Variants in U2AF2 observed in about 807,000 individuals in gnomAD.
The protein encoded by U2AF2 is U2 small nuclear RNA auxiliary factor 2.
U2AF2 carries 6 observed loss-of-function variants against 52.6 expected under a neutral mutation model. The ratio of observed to expected loss-of-function variants is 0.11; its 90% CI spans 0.06 to 0.23. U2AF2 has a LOEUF of 0.23. Ranked by LOEUF, U2AF2 falls within the 10% of genes least tolerant of loss-of-function variation. The pLI is 1.00. For missense variants in U2AF2, 222 were observed against 677.1 expected, an observed-to-expected ratio of 0.33 and a Z score of 7.46; for synonymous variants, 284 against 258.2, an observed-to-expected ratio of 1.10 and a Z score of -0.96.
chr19:55,673,796 T>C (rs1985090037), intron 11 of U2AF2, 138 bp from the exon 12 acceptor site: 4 of 1,233,680 alleles, frequency 3.2e-6, no homozygotes, highest in Non-Finnish European at 4.5e-6. Context: ...ACCTGCTTAC[T>C]AAGGGTCCCT....
intron 1 of U2AF2, among the ~76,000 whole-genome samples, chr19:55,657,746 C>T (rs988238454): frequency 6.6e-6 from 1 of 152,182 alleles, no homozygotes; most frequent in Non-Finnish European, 1.5e-5. Context: ...GAGTGTTCTG[C>T]CTGATCCACA....
chr19:55,655,278 C>T, intron 1 of U2AF2, 125 bp downstream of exon 1: 3 of 1,045,810 alleles, frequency 2.9e-6, no homozygotes, highest in South Asian at 3.2e-5. Context: ...AACCCTGGTT[C>T]CGTGGCGCGC....
At chr19:55,659,014 C>G in intron 1 of U2AF2, 196 bp from the exon 2 acceptor site, 2 of 830,800 alleles carry the variant, frequency 2.4e-6, no homozygotes, top group Middle Eastern at 4.0e-4. Flanking sequence ...TTCCAGGCCC[C>G]GTCCCCCTGG....
chr19:55,673,319 C>A (rs531527077), intron 11 of U2AF2, among the ~76,000 whole-genome samples: 1 of 90,602 alleles, frequency 1.1e-5, no homozygotes, highest in Non-Finnish European at 3.1e-5. Context: ...TACCTCACTC[C>A]CTCTTTTTTT....
intron 7 of U2AF2, among the ~76,000 whole-genome samples, chr19:55,666,078 T>TA (rs1298488575): frequency 6.6e-6 from 1 of 152,198 alleles, no homozygotes. Flanking sequence ...TTGCTTCTCT[T>TA]ACCAGGCTGA....
At chr19:55,656,384 ACT>A (rs1311202806) in intron 1 of U2AF2, among the ~76,000 whole-genome samples, 1 of 152,078 alleles carries the variant, frequency 6.6e-6, no homozygotes, top group Non-Finnish European at 1.5e-5. Flanking sequence ...TGAGGGTCTG[ACT>A]CTGTCTTAGT....
chr19:55,668,708 C>A lies in U2AF2; in HGVS notation c.861C>A (p.Ala287=). The change falls in exon 9 of 12, where the codon GCC becomes GCA. Residue 287 remains alanine (A), a synonymous_variant. Coordinates refer to ENST00000308924, the MANE Select transcript of U2AF2 (RefSeq NM_007279.3). The surrounding 1 kb of genome is among the most constrained non-coding windows in gnomAD (Gnocchi z 5.5). ...ELLTSFGPLK[A]FNLVKDSATG... Reference sequence around the variant, plus strand: ...TGACATCCTTTGGGCCCCTCAAGGCCTTCAACCTGGTCAAGGACAGTGCCA... The same window carrying A: ...TGACATCCTTTGGGCCCCTCAAGGCATTCAACCTGGTCAAGGACAGTGCCA... 1 of 1,613,846 alleles carries A rather than the reference C, an allele frequency of 6.2e-7. No homozygotes were observed. Among genetic ancestry groups the A allele is most frequent in the Non-Finnish European group, 8.5e-7 (1 of 1,179,800 alleles).
chr19:55,658,973 C>T, intron 1 of U2AF2: 1 of 482,820 alleles, frequency 2.1e-6, no homozygotes, highest in Non-Finnish European at 3.3e-6. Flanking sequence ...TCCTCCTGAG[C>T]ATCCTCAGGT....
chr19:55,668,720 C>T lies in U2AF2; in HGVS notation c.873C>T (p.Val291=), dbSNP rs1780948676. The change falls in exon 9 of 12, where the codon GTC becomes GTT. Residue 291 remains valine, a synonymous_variant. Coordinates refer to ENST00000308924, the MANE Select transcript of U2AF2 (RefSeq NM_007279.3). The surrounding 1 kb of genome is among the most constrained non-coding windows in gnomAD (Gnocchi z 5.5). ...SFGPLKAFNL[V]KDSATGLSKG... ...GGCCCCTCAAGGCCTTCAACCTGGT[C>T]AAGGACAGTGCCACGGGGCTCTCCA... The T allele has an allele frequency of 5.0e-6, 8 of 1,613,636 alleles. No individual in the cohort carries two copies. The Admixed American group carries it at 6.7e-5, about 13-fold the overall frequency.
Position 55,655,212 on chromosome 19 carries a change from C to A in U2AF2, c.49+59C>A, listed in dbSNP as rs567307574. ...GGCGGCTCCTCGCGTCGCTCTTTGCCCCCCCGCCATTTTCTCCCTCGCTTC... is the reference window on the plus strand; with the variant it reads ...GGCGGCTCCTCGCGTCGCTCTTTGCACCCCCGCCATTTTCTCCCTCGCTTC... On this transcript the variant is annotated intron_variant, in intron 1 of 11. Coordinates refer to ENST00000308924, the MANE Select transcript of U2AF2 (RefSeq NM_007279.3). 11 of 1,536,244 alleles carry A rather than the reference C, an allele frequency of 7.2e-6. 1 individual carries two copies. In the Admixed American group the frequency reaches 7.7e-5, roughly 11 times the overall value.
chr19:55,658,989 A>G, intron 1 of U2AF2: 1 of 566,254 alleles, frequency 1.8e-6, no homozygotes, highest in Non-Finnish European at 2.7e-6. Flanking sequence ...CAGGTATCTT[A>G]CACCCCGGGG....
chr19:55,664,664 CTG>C (rs1318755144), intron 7 of U2AF2, among the ~76,000 whole-genome samples: 3 of 152,202 alleles, frequency 2.0e-5, no homozygotes, highest in Non-Finnish European at 4.4e-5. Flanking sequence ...GGAGGCACAT[CTG>C]TGTCAGGCAG....
chr19:55,667,638 A>T (rs2123690427), intron 7 of U2AF2, among the ~76,000 whole-genome samples: 1 of 152,300 alleles, frequency 6.6e-6, no homozygotes, highest in South Asian at 2.1e-4. Flanking sequence ...TCCCAGTGAG[A>T]TCAGAGCAGC....
rs1388459328 is a variant in U2AF2, at chr19:55,669,737, C to G, written c.1293+45C>G. On this transcript the variant is annotated intron_variant, in intron 11 of 11. Coordinates refer to ENST00000308924, the MANE Select transcript of U2AF2 (RefSeq NM_007279.3). ...AGTGCTCTCTCACCCTCTGCCCCTCCTCTTCTCCGCGCCCTCTTTCTTCCT... is the reference window on the plus strand; with the variant it reads ...AGTGCTCTCTCACCCTCTGCCCCTCGTCTTCTCCGCGCCCTCTTTCTTCCT... 5 of 1,537,602 alleles carry G rather than the reference C, an allele frequency of 3.3e-6. No homozygotes were observed. In the South Asian group the frequency reaches 5.0e-5, roughly 15 times the overall value.
In U2AF2 at chr19:55,660,507, C is replaced by G. The variant is rs1243013708; in HGVS notation, c.231-9C>G. Reference sequence around the variant, plus strand: ...GCCCTGCCCCGCTCTCCCCTCCCACCTCCCCCAGTCGTTCCCCCCGCCACG... The same window carrying G: ...GCCCTGCCCCGCTCTCCCCTCCCACGTCCCCCAGTCGTTCCCCCCGCCACG... On this transcript the variant is annotated splice_polypyrimidine_tract_variant and intron_variant, in intron 3 of 11. Coordinates refer to ENST00000308924, the MANE Select transcript of U2AF2 (RefSeq NM_007279.3). 7.6e-6 allele frequency: 10 copies of G among 1,309,602 alleles called. No individual in the cohort carries two copies. Among genetic ancestry groups the G allele is most frequent in the Middle Eastern group, 1.9e-4 (1 of 5,352 alleles). The allele number at this position is 1,309,602 out of a possible 1,614,324, so 81.1% of individuals were successfully genotyped here.
At chr19:55,665,682 T>C (rs1230401853) in intron 7 of U2AF2, among the ~76,000 whole-genome samples, 2 of 152,248 alleles carry the variant, frequency 1.3e-5, no homozygotes, top group African/African-American at 4.8e-5. Flanking sequence ...GGAGTCTTGC[T>C]GTGTTGCCCA....
At chr19:55,664,993 C>T (rs1406831635) in intron 7 of U2AF2, among the ~76,000 whole-genome samples, 4 of 152,276 alleles carry the variant, frequency 2.6e-5, no homozygotes, top group African/African-American at 9.6e-5. Flanking sequence ...GTTGGGATTA[C>T]AGGCATGAGC....
intron 2 of U2AF2, among the ~76,000 whole-genome samples, 198 bp from the exon 3 acceptor site, chr19:55,659,979 C>A (rs1031785939): frequency 1.3e-5 from 2 of 151,992 alleles, no homozygotes; most frequent in East Asian, 3.9e-4. Flanking sequence ...TGGCCCCTTT[C>A]TCCTTTCCTC....
intron 7 of U2AF2, among the ~76,000 whole-genome samples, chr19:55,665,536 C>T (rs903686002): frequency 1.4e-5 from 2 of 143,420 alleles, no homozygotes; most frequent in South Asian, 2.3e-4. Context: ...GGCAGTTCTA[C>T]GACACAGGGA....
Sources: allele counts gnomAD v4.1 joint callset (sites outside exome capture counted in the v4.1 genomes callset), GRCh38; gene constraint gnomAD v4.1.1; non-coding constraint Gnocchi (gnomAD v3.1); transcripts MANE v1.5; gene names NCBI Gene and HGNC (gene_info 2026-07-23, HGNC 2026-07-21).